BORCS7: variants seen among roughly 807,000 people sequenced by gnomAD.
BORCS7 encodes BLOC-1-related complex subunit 7.
In BORCS7, 20 loss-of-function variants were observed where a neutral mutation model predicts 17.5. The ratio of observed to expected loss-of-function variants is 1.14; its 90% confidence interval spans 0.80 to 1.66. BORCS7 has a LOEUF of 1.66. Among genes scored for constraint, BORCS7 ranks in the 40% most tolerant of loss-of-function variants. The probability of loss-of-function intolerance (pLI) is 0.00; values close to 1 mark genes in which losing one functional copy is unlikely to be tolerated. For synonymous variants in BORCS7, 57 were observed against 49.8 expected, an observed-to-expected ratio of 1.14 and a Z score of -0.61; for missense variants, 122 against 129.7, an observed-to-expected ratio of 0.94 and a Z score of 0.29.
At chr10:102,855,984 A>G (rs1339846834) in intron 1 of BORCS7, among the ~76,000 whole-genome samples, 1 of 151,616 alleles carries the variant, frequency 6.6e-6, no homozygotes, top group African/African-American at 2.4e-5. Context: ...CTGGTCTCAA[A>G]CTCCTGACCT....
In BORCS7 at chr10:102,862,856, T is replaced by G. The variant is rs1389142067; in HGVS notation, c.270-17T>G. 2.5e-6 allele frequency: 4 copies of G among 1,595,626 alleles called. No homozygotes were observed. The highest frequency in any genetic ancestry group is 3.4e-6 in the Non-Finnish European group (4 of 1,163,374). On this transcript the variant is annotated splice_polypyrimidine_tract_variant and intron_variant, in intron 4 of 4. Coordinates refer to ENST00000339834, the MANE Select transcript of BORCS7 (RefSeq NM_001136200.2). ...TTGCTCATTTCAGATAAACCCTGTC[T>G]CTATTCTAATTCCTAGTGTTGAACA... is the stretch of plus-strand genomic sequence containing the variant.
At chr10:102,854,583 G>A in intron 1 of BORCS7, 156 bp downstream of exon 1, 1 of 895,392 alleles carries the variant, frequency 1.1e-6, no homozygotes. Flanking sequence ...TGCATTCTGG[G>A]GTGTGCAGTC....
At chr10:102,859,289 C>T (rs772837180) in intron 1 of BORCS7, among the ~76,000 whole-genome samples, 13 of 151,734 alleles carry the variant, frequency 8.6e-5, no homozygotes, top group South Asian at 2.1e-4. Context: ...ATTACAGGCA[C>T]GTGCCACCAC....
At position 102,864,704 on chromosome 10, in the gene BORCS7, G is replaced by A. The variant is rs945919630; in HGVS notation, c.*1780G>A. On this transcript the variant is annotated 3_prime_UTR_variant, in exon 5 of 5. Transcript: ENST00000339834. ...TCGTAACAAAATACATGAAACAAAA[G>A]TAGCCAGAAATGTTAGAACAGGTGG... 2 of 152,038 alleles carry A rather than the reference G, an allele frequency of 1.3e-5. No homozygotes were observed. The highest frequency in any genetic ancestry group is 6.5e-5 in the Admixed American group (1 of 15,270). 9.4% of individuals were successfully genotyped at this position (152,038 alleles called of 1,614,324 possible). A position where few individuals can be genotyped will look rare whatever the true frequency, so the allele number is the denominator to read the frequency against.
chr10:102,855,401 CTGCATCAGCCTTCCAAAG>C (rs950005015), intron 1 of BORCS7, among the ~76,000 whole-genome samples: 4 of 152,020 alleles, frequency 2.6e-5, no homozygotes, highest in African/African-American at 9.7e-5. Flanking sequence ...CATGATCTGC[CTGCATCAGCCTTCCAAAG>C]TGCTGGGATT....
At chr10:102,855,005 G>A (rs965991469) in intron 1 of BORCS7, among the ~76,000 whole-genome samples, 4 of 146,388 alleles carry the variant, frequency 2.7e-5, no homozygotes, top group African/African-American at 1.0e-4. Context: ...TTTTCAACTA[G>A]AGGTGTTTAT....
rs1419818183 is a variant in BORCS7 at position 102,864,069 on chromosome 10, A to C, written c.*1145A>C. 6.6e-6 allele frequency: 1 copy of C among 152,222 alleles called. No individual in the cohort carries two copies. The highest frequency in any genetic ancestry group is 1.5e-5 in the Non-Finnish European group (1 of 68,040). 9.4% of individuals were successfully genotyped at this position (152,222 alleles called of 1,614,324 possible). A position where few individuals can be genotyped will look rare whatever the true frequency, so the allele number is the denominator to read the frequency against. On this transcript the variant is annotated 3_prime_UTR_variant, in exon 5 of 5. Coordinates refer to ENST00000339834, the MANE Select transcript of BORCS7 (RefSeq NM_001136200.2). ...TGACATTACCATGAGTCTGTTGTCA[A>C]ACCTAAATATCTTTGTTTGAATTTA...
chr10:102,860,820 G>T, intron 3 of BORCS7: 1 of 549,096 alleles, frequency 1.8e-6, no homozygotes, highest in Non-Finnish European at 3.3e-6. Flanking sequence ...GGCAGGGCCC[G>T]TGCCAGGACC....
At chr10:102,860,781 C>T (rs1345480451) in intron 3 of BORCS7, 3 of 597,662 alleles carry the variant, frequency 5.0e-6, no homozygotes, top group African/African-American at 3.7e-5. Context: ...ATTGAGGGCT[C>T]CTCAGAGAGA....
chr10:102,863,853 G>T lies in BORCS7; in HGVS notation c.*929G>T, dbSNP rs1844557266. 1 of 152,172 alleles carries T rather than the reference G, an allele frequency of 6.6e-6. No individual in the cohort carries two copies. The highest frequency in any genetic ancestry group is 2.1e-4 in the South Asian group (1 of 4,832). 9.4% of individuals were successfully genotyped at this position (152,172 alleles called of 1,614,324 possible). On this transcript the variant is annotated 3_prime_UTR_variant, in exon 5 of 5. Coordinates refer to ENST00000339834, the MANE Select transcript of BORCS7 (RefSeq NM_001136200.2). ...TGACCTGCATTCCTAGAATTTCTTT[G>T]TTGCTGTAATTCTTGATTAAGTGAC...
rs961146539 is a variant in BORCS7 at position 102,859,563 on chromosome 10, T to C, written c.142-769T>C. On this transcript the variant is annotated intron_variant, in intron 1 of 4. Transcript: ENST00000339834. ...CCCCACTGTTTCTCTTATTCCATTT[T>C]TTTTTTCTTTTTTTTTTTTTGAGAC... 4.0e-5 allele frequency among the ~76,000 whole-genome samples: 6 copies of C among 148,526 alleles called. No homozygotes were observed. In the Admixed American group the frequency reaches 4.1e-4, roughly 10 times the overall value.
intron 1 of BORCS7, 65 bp from the exon 2 acceptor site, chr10:102,860,267 T>C (rs770520865): frequency 6.2e-5 from 88 of 1,410,958 alleles, no homozygotes; most frequent in Non-Finnish European, 8.8e-5. Flanking sequence ...GTGTAACAGC[T>C]GCAGAGAGAA....
chr10:102,861,531 A>G (rs1844520266), intron 3 of BORCS7, among the ~76,000 whole-genome samples: 1 of 151,996 alleles, frequency 6.6e-6, no homozygotes, highest in South Asian at 2.1e-4. Flanking sequence ...AGCCTGGCCA[A>G]CACGGCAAAA....
intron 3 of BORCS7, 68 bp downstream of exon 3, chr10:102,860,609 T>C: frequency 6.5e-7 from 1 of 1,548,350 alleles, no homozygotes; most frequent in Non-Finnish European, 8.9e-7. Context: ...TCATGGACTT[T>C]GTGCTTCAGC....
At position 102,854,304 on chromosome 10, in the gene BORCS7, G is replaced by C. The variant is rs756062269; in HGVS notation, c.18G>C (p.Thr6=). 9 of 1,605,346 alleles carry C rather than the reference G, an allele frequency of 5.6e-6. No individual in the cohort carries two copies. Among genetic ancestry groups the C allele is most frequent in the African/African-American group, 1.3e-5 (1 of 74,818 alleles). The stretch of plus-strand genomic sequence containing the variant: ...TAACTGAAATGATGGCGACTGGAAC[G>C]CCAGAGTCTCAAGCGCGGTTCGGTC... MMATG[T]PESQARFGQS... Residue 6 remains threonine (T), a synonymous_variant, in exon 1 of 5, where the codon ACG becomes ACC. Transcript: ENST00000339834.
At chr10:102,855,199 G>A (rs1373704682) in intron 1 of BORCS7, among the ~76,000 whole-genome samples, 6 of 139,176 alleles carry the variant, frequency 4.3e-5, no homozygotes, top group African/African-American at 1.6e-4. Flanking sequence ...TAGCTCTGTC[G>A]CCAGGCTGGA....
rs557836740 is a variant in BORCS7, at chr10:102,855,254, G to A, written c.141+827G>A. ...GCTCACTGCAACTTCCGCCTCCTGGGTTCAAGTGATTCTCCCGCCTCAGCC... is the reference window on the plus strand; with the variant it reads ...GCTCACTGCAACTTCCGCCTCCTGGATTCAAGTGATTCTCCCGCCTCAGCC... On this transcript the variant is annotated intron_variant, in intron 1 of 4. Coordinates refer to ENST00000339834, the MANE Select transcript of BORCS7 (RefSeq NM_001136200.2). Among the ~76,000 whole-genome samples, 15 of 151,220 alleles carry A rather than the reference G, an allele frequency of 9.9e-5. No individual in the cohort carries two copies. The South Asian group carries it at 3.1e-3, about 32-fold the overall frequency.
At chr10:102,855,981 C>CA (rs1844421474) in intron 1 of BORCS7, among the ~76,000 whole-genome samples, 2 of 152,248 alleles carry the variant, frequency 1.3e-5, no homozygotes, top group South Asian at 4.2e-4. Context: ...AGGCTGGTCT[C>CA]AAACTCCTGA....
rs746850828 is a variant in BORCS7, at chr10:102,862,893, T to C, written c.290T>C (p.Leu97Pro). The change falls in exon 5 of 5, where the codon CTA becomes CCA. Residue 97 changes from leucine (L) to proline (P), a missense_variant. By Grantham distance (98) the Leu-to-Pro change is moderately conservative. Coordinates refer to ENST00000339834, the MANE Select transcript of BORCS7 (RefSeq NM_001136200.2). ...CCTAGTGTTGAACAGTCATCGGATC[T>C]ACAGGACCAGTTGAATCATCTGTTG... ...IQKNVEQSSD[L>P]QDQLNHLLK The C allele has an allele frequency of 1.9e-6, 3 of 1,610,232 alleles. No individual in the cohort carries two copies. The East Asian group carries it at 6.7e-5, about 36-fold the overall frequency.
Sources: allele counts gnomAD v4.1 joint callset (sites outside exome capture counted in the v4.1 genomes callset), GRCh38; gene constraint gnomAD v4.1.1; transcripts MANE v1.5; gene names NCBI Gene and HGNC (gene_info 2026-07-23, HGNC 2026-07-21).